PPM1E: variants seen among roughly 807,000 people sequenced by gnomAD.
PPM1E encodes the protein protein phosphatase 1E.
Under a neutral mutation model 65.9 loss-of-function variants are expected in PPM1E, and 20 were observed. The ratio of observed to expected loss-of-function variants is 0.30; its 90% confidence interval spans 0.21 to 0.44. The LOEUF is 0.44. PPM1E is among the 20% of genes least tolerant of loss of function. The pLI, the probability that PPM1E is intolerant of heterozygous loss-of-function variation, is 1.00. For synonymous variants in PPM1E, 352 were observed against 374.9 expected, an observed-to-expected ratio of 0.94 and a Z score of 0.70; for missense variants, 713 against 953.1, an observed-to-expected ratio of 0.75 and a Z score of 3.32.
At chr17:58,774,383 CCA>C (rs1309798275) in intron 1 of PPM1E, among the ~76,000 whole-genome samples, 1 of 151,796 alleles carries the variant, frequency 6.6e-6, no homozygotes, top group Non-Finnish European at 1.5e-5. Flanking sequence ...TATCACAGGA[CCA>C]GTGTTCAATA....
intron 1 of PPM1E, among the ~76,000 whole-genome samples, chr17:58,917,331 G>A (rs1275491235): frequency 6.6e-6 from 1 of 151,154 alleles, no homozygotes; most frequent in Admixed American, 6.6e-5. Flanking sequence ...TATTATAATC[G>A]TTGCCATTGT....
chr17:58,826,238 A>G (rs2050534919), intron 1 of PPM1E, among the ~76,000 whole-genome samples: 1 of 150,550 alleles, frequency 6.6e-6, no homozygotes, highest in Non-Finnish European at 1.5e-5. Context: ...CAGAGGTTGC[A>G]GTGAGCCGAG....
intron 1 of PPM1E, among the ~76,000 whole-genome samples, chr17:58,831,003 T>C (rs2050599889): frequency 2.0e-5 from 2 of 101,414 alleles, no homozygotes; most frequent in African/African-American, 7.1e-5. Context: ...ACTTACTTTA[T>C]CTTTTTTTTT....
In PPM1E at chr17:58,866,518, C is replaced by G. The variant is rs369583925; in HGVS notation, c.465-89131C>G. Among the ~76,000 whole-genome samples, 7 of 152,354 alleles carry G rather than the reference C, an allele frequency of 4.6e-5. No individual in the cohort carries two copies. In the East Asian group the frequency reaches 9.6e-4, roughly 21 times the overall value. ...TTAGCGGCAACTGTTTCCATAGACC[C>G]TAAGGGTCAAAACCACTCTTTTCTT... is the stretch of plus-strand genomic sequence containing the variant. On this transcript the variant is annotated intron_variant, in intron 1 of 6. Transcript: ENST00000308249.
chr17:58,761,206 T>C (rs2049817633), intron 1 of PPM1E, among the ~76,000 whole-genome samples: 2 of 152,214 alleles, frequency 1.3e-5, no homozygotes, highest in South Asian at 4.1e-4. Flanking sequence ...TTGAACTCAG[T>C]TTCCAGTCTC....
chr17:58,790,712 C>T (rs2050149122), intron 1 of PPM1E, among the ~76,000 whole-genome samples: 1 of 152,008 alleles, frequency 6.6e-6, no homozygotes, highest in African/African-American at 2.4e-5. Flanking sequence ...TGATCAATAG[C>T]CCCAGCTGAA....
intron 1 of PPM1E, among the ~76,000 whole-genome samples, chr17:58,784,963 G>A (rs1289531897): frequency 6.6e-6 from 1 of 151,988 alleles, no homozygotes; most frequent in Admixed American, 6.6e-5. Flanking sequence ...CTTTCTTGAT[G>A]GTATCATTTG....
chr17:58,793,364 T>A (rs1567835292), intron 1 of PPM1E, among the ~76,000 whole-genome samples: 1 of 150,650 alleles, frequency 6.6e-6, no homozygotes, highest in African/African-American at 2.4e-5. Context: ...TTATTATTAT[T>A]TTTTTTTTTG....
intron 1 of PPM1E, among the ~76,000 whole-genome samples, chr17:58,816,794 A>ATTTTTTT (rs71367634): frequency 6.0e-5 from 1 of 16,652 alleles, no homozygotes; most frequent in Non-Finnish European, 1.1e-4. Flanking sequence ...ATATATATAT[A>ATTTTTTT]TTTTTTTTTT....
chr17:58,837,019 CAAAAAAA>C (rs761954197), intron 1 of PPM1E, among the ~76,000 whole-genome samples: 2 of 39,086 alleles, frequency 5.1e-5, no homozygotes, highest in East Asian at 7.1e-4. Context: ...AACTCCGTCT[CAAAAAAA>C]AAAAAAAAAA....
intron 4 of PPM1E, 38 bp downstream of exon 4, chr17:58,969,765 C>G (rs1355576276): frequency 6.3e-7 from 1 of 1,594,282 alleles, no homozygotes. Flanking sequence ...TAGAAATGTA[C>G]TAGCTGAGCT....
chr17:58,884,927 G>A (rs1321038895), intron 1 of PPM1E, among the ~76,000 whole-genome samples: 4 of 151,994 alleles, frequency 2.6e-5, no homozygotes, highest in African/African-American at 9.7e-5. Flanking sequence ...ACTCCTGTTA[G>A]TAAAATATTA....
chr17:58,926,533 A>G (rs1375384865), intron 1 of PPM1E, among the ~76,000 whole-genome samples: 2 of 152,034 alleles, frequency 1.3e-5, no homozygotes, highest in African/African-American at 4.8e-5. Flanking sequence ...TAGTGTGTAT[A>G]TGTAAAGAAG....
chr17:58,903,993 C>G (rs1381776864), intron 1 of PPM1E, among the ~76,000 whole-genome samples: 1 of 152,036 alleles, frequency 6.6e-6, no homozygotes, highest in Non-Finnish European at 1.5e-5. Context: ...ATTACTTTTA[C>G]TTGAATTTGA....
At chr17:58,841,788 A>G (rs772543778) in intron 1 of PPM1E, among the ~76,000 whole-genome samples, 42 of 150,196 alleles carry the variant, frequency 2.8e-4, no homozygotes, top group Non-Finnish European at 4.7e-4. Context: ...GCTCACTGCA[A>G]CCTCTGCCTC....
At chr17:58,843,467 C>T (rs968981074) in intron 1 of PPM1E, among the ~76,000 whole-genome samples, 6 of 151,668 alleles carry the variant, frequency 4.0e-5, no homozygotes, top group Non-Finnish European at 5.9e-5. Flanking sequence ...TTGCAGTGAG[C>T]GGAGATCGCG....
intron 1 of PPM1E, among the ~76,000 whole-genome samples, chr17:58,909,335 A>G (rs1318594929): frequency 6.6e-6 from 1 of 152,062 alleles, no homozygotes; most frequent in Non-Finnish European, 1.5e-5. Context: ...ATAGTTCACC[A>G]TAACCTGAAC....
intron 1 of PPM1E, among the ~76,000 whole-genome samples, chr17:58,791,141 C>G (rs946516724): frequency 6.6e-6 from 1 of 152,244 alleles, no homozygotes; most frequent in African/African-American, 2.4e-5. Context: ...ATCCACCCAC[C>G]TCAGCCTCCC....
At chr17:58,874,573 G>T (rs1415182635) in intron 1 of PPM1E, among the ~76,000 whole-genome samples, 2 of 152,122 alleles carry the variant, frequency 1.3e-5, no homozygotes, top group African/African-American at 4.8e-5. Context: ...TCTTTGCAAA[G>T]TTCTTGTTAC....
Sources: allele counts gnomAD v4.1 joint callset (sites outside exome capture counted in the v4.1 genomes callset), GRCh38; gene constraint gnomAD v4.1.1; transcripts MANE v1.5; gene names NCBI Gene and HGNC (gene_info 2026-07-23, HGNC 2026-07-21).